ROBO1: variants seen among roughly 807,000 people sequenced by gnomAD.
ROBO1 encodes the protein roundabout guidance receptor 1, also known as roundabout homolog 1.
ROBO1 carries 149 observed loss-of-function variants against 195.9 expected under a neutral mutation model. The observed-to-expected ratio is 0.76, with a 90% CI of 0.67 to 0.87. The LOEUF (loss-of-function observed/expected upper bound fraction) is 0.87. Ranked by LOEUF, ROBO1 falls within the 40% of genes least tolerant of loss-of-function variation. ROBO1 has a pLI of 0.00. For missense variants in ROBO1, 1,933 were observed against 2,068.3 expected, an observed-to-expected ratio of 0.93 and a Z score of 1.27; for synonymous variants, 816 against 733.2, an observed-to-expected ratio of 1.11 and a Z score of -1.82.
chr3:79,612,322 T>G (rs1944686124), intron 1 of ROBO1, among the ~76,000 whole-genome samples: 1 of 147,644 alleles, frequency 6.8e-6, no homozygotes, highest in South Asian at 2.2e-4. Flanking sequence ...GAATGATGAT[T>G]TCCAATTTCA....
chr3:78,670,415 T>C (rs1297289614), intron 10 of ROBO1, 114 bp from the exon 11 acceptor site: 8 of 831,268 alleles, frequency 9.6e-6, no homozygotes, highest in South Asian at 3.5e-5. Context: ...ATTAAACAAG[T>C]AATTAAAGTA....
intron 4 of ROBO1, among the ~76,000 whole-genome samples, chr3:78,885,297 T>G (rs2036481720): frequency 6.7e-6 from 1 of 149,472 alleles, no homozygotes; most frequent in Admixed American, 6.8e-5. Flanking sequence ...TCAGGAAAAA[T>G]AACTAATGGG....
At chr3:78,740,055 A>T (rs992106878) in intron 5 of ROBO1, among the ~76,000 whole-genome samples, 2 of 152,166 alleles carry the variant, frequency 1.3e-5, no homozygotes, top group African/African-American at 4.8e-5. Flanking sequence ...TTAGTATGTA[A>T]CTGACAAGAT....
At chr3:79,507,944 A>G (rs1940492790) in intron 2 of ROBO1, 1 of 154,174 alleles carries the variant, frequency 6.5e-6, no homozygotes, top group South Asian at 2.0e-4. Context: ...GGAAACTAGT[A>G]ATGTTGGATT....
At chr3:78,767,219 T>C (rs897234085) in intron 4 of ROBO1, among the ~76,000 whole-genome samples, 1 of 151,752 alleles carries the variant, frequency 6.6e-6, no homozygotes, top group Admixed American at 6.6e-5. Flanking sequence ...AAATGTCTGG[T>C]AGAATTCTGC....
intron 2 of ROBO1, among the ~76,000 whole-genome samples, chr3:79,173,022 A>G (rs1301933451): frequency 1.3e-5 from 2 of 152,202 alleles, no homozygotes; most frequent in African/African-American, 4.8e-5. Context: ...TATAACACTG[A>G]AGGCTCTTTA....
chr3:79,112,222 T>C (rs755405628), intron 3 of ROBO1, among the ~76,000 whole-genome samples: 19 of 152,160 alleles, frequency 1.2e-4, no homozygotes, highest in Non-Finnish European at 2.6e-4. Flanking sequence ...AATATTTGAA[T>C]TGATTTTTCA....
chr3:79,245,186 C>T (rs1173215608), intron 2 of ROBO1, among the ~76,000 whole-genome samples: 1 of 152,022 alleles, frequency 6.6e-6, no homozygotes, highest in Non-Finnish European at 1.5e-5. Context: ...CAGTAAGAAA[C>T]GTTGGTTTTA....
At chr3:78,961,100 T>C (rs72910206) in intron 3 of ROBO1, among the ~76,000 whole-genome samples, 21,381 of 152,130 alleles carry the variant, frequency 0.14, 2,156 homozygotes, top group African/African-American at 0.29. Flanking sequence ...TACAGAAAAT[T>C]CCCTCTCTCT....
At chr3:78,748,541 C>T (rs1024211189) in intron 4 of ROBO1, among the ~76,000 whole-genome samples, 68 of 152,148 alleles carry the variant, frequency 4.5e-4, no homozygotes, top group African/African-American at 1.5e-3. Context: ...CTGGAATGGA[C>T]GTCTTTCCAT....
At chr3:78,671,499 C>T (rs1479064063) in intron 10 of ROBO1, among the ~76,000 whole-genome samples, 1 of 151,784 alleles carries the variant, frequency 6.6e-6, no homozygotes, top group Non-Finnish European at 1.5e-5. Flanking sequence ...TGTCATGTTC[C>T]AAGCTTTATG....
intron 4 of ROBO1, among the ~76,000 whole-genome samples, chr3:78,811,389 T>C (rs1175294435): frequency 6.6e-6 from 1 of 152,170 alleles, no homozygotes; most frequent in Non-Finnish European, 1.5e-5. Context: ...TGAAAAACGT[T>C]TGCTACTTGG....
At chr3:79,710,299 C>T (rs190800965) in intron 1 of ROBO1, among the ~76,000 whole-genome samples, 1 of 152,184 alleles carries the variant, frequency 6.6e-6, no homozygotes, top group Admixed American at 6.5e-5. Context: ...GAAACCCACA[C>T]CTGGACATCT....
intron 2 of ROBO1, among the ~76,000 whole-genome samples, chr3:79,415,551 A>G (rs2037966515): frequency 6.6e-6 from 1 of 152,150 alleles, no homozygotes; most frequent in African/African-American, 2.4e-5. Flanking sequence ...TATTAGGATG[A>G]AAGAATAGCG....
intron 1 of ROBO1, among the ~76,000 whole-genome samples, chr3:79,633,039 C>T (rs867789396): frequency 3.9e-5 from 6 of 151,906 alleles, no homozygotes; most frequent in Middle Eastern, 3.2e-3. Flanking sequence ...TGCTATGAAT[C>T]AGAAGGGAAA....
chr3:79,374,458 A>G (rs1182756089), intron 2 of ROBO1, among the ~76,000 whole-genome samples: 1 of 152,162 alleles, frequency 6.6e-6, no homozygotes, highest in Admixed American at 6.5e-5. Context: ...AATGACATTG[A>G]CCAATGAATA....
At chr3:79,533,031 C>A in intron 2 of ROBO1, 1 of 373,904 alleles carries the variant, frequency 2.7e-6, no homozygotes, top group South Asian at 2.0e-5. Context: ...AAGAATTGAT[C>A]CTTTAAACCA....
Position 79,008,508 on chromosome 3 carries a change from CGT to C in ROBO1, c.173-69583_173-69582del, listed in dbSNP as rs576440550. Among the ~76,000 whole-genome samples the C allele has an allele frequency of 8.2e-3, 1,243 of 151,630 alleles. 16 individuals are homozygous for C. Among genetic ancestry groups the C allele is most frequent in the African/African-American group, 0.028 (1,173 of 41,302 alleles). ...AAATATATTTATTATGCAGCACGTA[CGT>C]GTGTGTGTATACATATATATAGTAT... On this transcript the variant is annotated intron_variant, in intron 3 of 30. Transcript: ENST00000464233.
chr3:79,066,351 G>T (rs988417424), intron 3 of ROBO1, among the ~76,000 whole-genome samples: 2 of 151,712 alleles, frequency 1.3e-5, no homozygotes, highest in Non-Finnish European at 2.9e-5. Context: ...CTTGATCTAG[G>T]TTACATGGAT....
Sources: gnomAD v4.1 joint callset for allele counts (sites outside exome capture counted in the v4.1 genomes callset) on GRCh38, gnomAD v4.1.1 for gene constraint, MANE v1.5 for transcripts, NCBI Gene and HGNC (gene_info 2026-07-23, HGNC 2026-07-21) for gene names.